PTK7: variants seen among roughly 807,000 people sequenced by gnomAD.
PTK7 encodes the protein protein tyrosine kinase 7 (inactive).
PTK7 carries 39 observed loss-of-function variants against 116.6 expected under a neutral mutation model. The observed-to-expected ratio is 0.33, with a 90% CI of 0.26 to 0.44. PTK7 has a LOEUF of 0.44. Among genes scored for constraint, PTK7 ranks in the 20% least tolerant of loss-of-function variants. The pLI is 1.00. For synonymous variants in PTK7, 546 were observed against 563.6 expected, an observed-to-expected ratio of 0.97 and a Z score of 0.44; for missense variants, 1,169 against 1,425.6, an observed-to-expected ratio of 0.82 and a Z score of 2.90.
At chr6:43,157,316 G>C (rs1225249133) in intron 17 of PTK7, among the ~76,000 whole-genome samples, 2 of 108,906 alleles carry the variant, frequency 1.8e-5, no homozygotes, top group Non-Finnish European at 3.6e-5. Context: ...CACACACACA[G>C]ACACACACGC....
At chr6:43,097,210 C>G (rs1392800518) in intron 1 of PTK7, among the ~76,000 whole-genome samples, 11 of 152,164 alleles carry the variant, frequency 7.2e-5, no homozygotes. Flanking sequence ...GCAGGAAGGC[C>G]CCTGCATCTT....
intron 1 of PTK7, among the ~76,000 whole-genome samples, chr6:43,128,189 C>A (rs555180926): frequency 9.2e-5 from 14 of 152,292 alleles, no homozygotes; most frequent in East Asian, 5.8e-4. Flanking sequence ...CTTTACTAAA[C>A]CTCCTGAGTC....
intron 1 of PTK7, among the ~76,000 whole-genome samples, chr6:43,122,456 G>A (rs1304051723): frequency 6.6e-6 from 1 of 152,072 alleles, no homozygotes; most frequent in East Asian, 1.9e-4. Flanking sequence ...GCCTGGCGCT[G>A]TCTCCCTACA....
chr6:43,139,115 G>C lies in PTK7; in HGVS notation c.1363-21G>C, dbSNP rs558553199. 2.2e-5 allele frequency: 36 copies of C among 1,613,896 alleles called. No homozygotes were observed. In the South Asian group the frequency reaches 3.6e-4, roughly 16 times the overall value. ...AGGTGGGTGTGGGTTCAGGCTCTGA[G>C]GCCTCTCACCTGTGCTGCAGGACTC... On this transcript the variant is annotated intron_variant, in intron 8 of 19. Coordinates refer to ENST00000230419, the MANE Select transcript of PTK7 (RefSeq NM_002821.5). This position sits in a 1 kb window ranked among gnomAD's most constrained non-coding sequence, Gnocchi z 4.6.
intron 1 of PTK7, among the ~76,000 whole-genome samples, chr6:43,081,261 C>A (rs907455734): frequency 2.0e-5 from 3 of 152,320 alleles, no homozygotes; most frequent in Admixed American, 2.0e-4. Flanking sequence ...TGTAGAACTT[C>A]TGGACTGTCA....
At position 43,158,930 on chromosome 6, in the gene PTK7, G is replaced by A. The variant is rs1771673419; in HGVS notation, c.2835G>A (p.Lys945=). ...TGGTCAGTGCCCAGAGACAAGTGAA[G>A]GTGTCTGCCCTGGGCCTCAGCAAGG... ...NCLVSAQRQV[K]VSALGLSKDV... The change falls in exon 18 of 20, where the codon AAG becomes AAA. Residue 945 remains lysine (K), a synonymous_variant. Transcript: ENST00000230419. 2 of 1,614,068 alleles carry A rather than the reference G, an allele frequency of 1.2e-6. No individual in the cohort carries two copies. Among genetic ancestry groups the A allele is most frequent in the Admixed American group, 3.3e-5 (2 of 60,002 alleles).
At position 43,090,601 on chromosome 6, in the gene PTK7, G is replaced by A. The variant is rs113512868; in HGVS notation, c.79+14034G>A. Among the ~76,000 whole-genome samples, 613 of 152,280 alleles carry A rather than the reference G, an allele frequency of 4.0e-3. 3 individuals carry two copies. The highest frequency in any genetic ancestry group is 0.014 in the African/African-American group (561 of 41,552). ...AGGTCTCCAGTGGAGGTTGTTGTTA[G>A]GTGGGCTTTGTCATACAAAGCATTG... On this transcript the variant is annotated intron_variant, in intron 1 of 19. Transcript: ENST00000230419.
At position 43,132,658 on chromosome 6, in the gene PTK7, G is replaced by A. The variant is rs370559308; in HGVS notation, c.1199G>A (p.Arg400Gln). ...TCHAANLAGQ[R>Q]RQDVNITVAT... ...CACGCGGCCAACCTGGCTGGTCAGC[G>A]GAGACAGGATGTCAACATCACTGTG... Residue 400 changes from arginine (R) to glutamine (Q), a missense_variant, in exon 7 of 20, where the codon CGG becomes CAG. By Grantham distance (43) the Arg-to-Gln change is conservative. This residue lies in a region of PTK7 where 487 missense variants were observed against 549.8 expected (regional missense o/e 0.89). Transcript: ENST00000230419. The A allele has an allele frequency of 1.3e-5, 21 of 1,571,752 alleles. No homozygotes were observed. Among genetic ancestry groups the A allele is most frequent in the East Asian group, 2.4e-5 (1 of 42,522 alleles).
In PTK7 at chr6:43,130,258, AC is replaced by A. The variant is rs35848762; in HGVS notation, c.505del (p.Leu169PhefsTer17). 6.3e-7 allele frequency: 1 copy of A among 1,596,848 alleles called. No individual in the cohort carries two copies. The highest frequency in any genetic ancestry group is 8.6e-7 in the Non-Finnish European group (1 of 1,168,554). Reference protein sequence around the residue: ...RPTYQWFRDGTPLSDGQSNHT... With the variant: ...RPTYQWFRDGXPLSDGQSNHT... Reference sequence around the variant, plus strand: ...CACCTACCAATGGTTCCGAGATGGGACCCCCCTTTCTGATGGTCAGAGCAAC... The same window carrying A: ...CACCTACCAATGGTTCCGAGATGGGACCCCCTTTCTGATGGTCAGAGCAAC... On this transcript the variant is annotated frameshift_variant, in exon 4 of 20. Coordinates refer to ENST00000230419, the MANE Select transcript of PTK7 (RefSeq NM_002821.5). LOFTEE classifies it high-confidence loss of function.
Position 43,076,471 on chromosome 6 carries a change from T to A in PTK7, c.-18T>A, listed in dbSNP as rs1455295747. ...CGCCCGCCGTGCGCCCTCAGCTCCTTTTCCTGAGCCCGCCGCGATGGGAGC... is the reference window on the plus strand; with the variant it reads ...CGCCCGCCGTGCGCCCTCAGCTCCTATTCCTGAGCCCGCCGCGATGGGAGC... On this transcript the variant is annotated 5_prime_UTR_variant, in exon 1 of 20. Transcript: ENST00000230419. This position sits in a 1 kb window ranked among gnomAD's most constrained non-coding sequence, Gnocchi z 5.7. 1.3e-6 allele frequency: 2 copies of A among 1,555,428 alleles called. No homozygotes were observed. Among genetic ancestry groups the A allele is most frequent in the Non-Finnish European group, 1.7e-6 (2 of 1,158,278 alleles).
chr6:43,086,217 A>G (rs1263230516), intron 1 of PTK7, among the ~76,000 whole-genome samples: 1 of 151,964 alleles, frequency 6.6e-6, no homozygotes, highest in East Asian at 1.9e-4. Context: ...TACCCAAGGG[A>G]GGGGTTTTTA....
At chr6:43,144,897 A>C (rs1770638330) in intron 15 of PTK7, 1 of 417,192 alleles carries the variant, frequency 2.4e-6, no homozygotes. Context: ...AAAAAATATG[A>C]GAAATCATGG....
At chr6:43,090,274 C>T (rs1766875947) in intron 1 of PTK7, among the ~76,000 whole-genome samples, 1 of 152,250 alleles carries the variant, frequency 6.6e-6, no homozygotes, top group African/African-American at 2.4e-5. Flanking sequence ...GAAAATACTT[C>T]TCCCAATAGC....
At chr6:43,085,485 G>A (rs1766602129) in intron 1 of PTK7, among the ~76,000 whole-genome samples, 1 of 151,812 alleles carries the variant, frequency 6.6e-6, no homozygotes, top group Admixed American at 6.6e-5. Context: ...CTGACCTCGT[G>A]ATCCACCTGC....
At chr6:43,119,287 T>C (rs563031680) in intron 1 of PTK7, among the ~76,000 whole-genome samples, 165 of 152,234 alleles carry the variant, frequency 1.1e-3, no homozygotes, top group Non-Finnish European at 2.1e-3. Flanking sequence ...GAGACAGAGA[T>C]GGGTGAAAAA....
Position 43,158,914 on chromosome 6 carries a change from C to T in PTK7, c.2819C>T (p.Ala940Val). 1 of 1,614,176 alleles carries T rather than the reference C, an allele frequency of 6.2e-7. No homozygotes were observed. The highest frequency in any genetic ancestry group is 8.5e-7 in the Non-Finnish European group (1 of 1,180,042). ...DLAARNCLVSAQRQVKVSALG... is the reference protein window; with the variant it reads ...DLAARNCLVSVQRQVKVSALG... ...GCTGCGCGTAACTGCCTGGTCAGTG[C>T]CCAGAGACAAGTGAAGGTGTCTGCC... is the stretch of plus-strand genomic sequence containing the variant. The change falls in exon 18 of 20, where the codon GCC (alanine) becomes GTC (valine). Residue 940 changes from alanine to valine, a missense_variant. Ala to Val is a moderately conservative substitution (Grantham distance 64). Coordinates refer to ENST00000230419, the MANE Select transcript of PTK7 (RefSeq NM_002821.5).
At chr6:43,120,197 G>A (rs1768874342) in intron 1 of PTK7, among the ~76,000 whole-genome samples, 1 of 152,142 alleles carries the variant, frequency 6.6e-6, no homozygotes, top group South Asian at 2.1e-4. Flanking sequence ...CAATATTTCA[G>A]GTCAAATGGA....
At chr6:43,106,619 T>C (rs1399943229) in intron 1 of PTK7, among the ~76,000 whole-genome samples, 1 of 150,748 alleles carries the variant, frequency 6.6e-6, no homozygotes, top group Non-Finnish European at 1.5e-5. Context: ...TAAAACCTTA[T>C]GTTGAAGATC....
At chr6:43,154,285 G>C (rs1771291196) in intron 17 of PTK7, among the ~76,000 whole-genome samples, 1 of 152,030 alleles carries the variant, frequency 6.6e-6, no homozygotes, top group African/African-American at 2.4e-5. Flanking sequence ...ACAGTGAACT[G>C]TGATTGCACC....
Sources: allele counts gnomAD v4.1 joint callset (sites outside exome capture counted in the v4.1 genomes callset), GRCh38; gene constraint gnomAD v4.1.1; regional missense constraint gnomAD v4.1.1; non-coding constraint Gnocchi (gnomAD v3.1); transcripts MANE v1.5; gene names NCBI Gene and HGNC (gene_info 2026-07-23, HGNC 2026-07-21).